The following GRM4 variants were observed in gnomAD, a reference collection of about 807,000 sequenced individuals.
GRM4 encodes metabotropic glutamate receptor 4.
A neutral mutation model predicts 81.7 loss-of-function variants in GRM4; 28 were observed. That is an observed-to-expected ratio of 0.34 (90% CI 0.25 to 0.47). The LOEUF (loss-of-function observed/expected upper bound fraction) is 0.47. Among genes scored for constraint, GRM4 ranks in the 20% least tolerant of loss-of-function variants. The pLI is 1.00. For synonymous variants in GRM4, 488 were observed against 528.8 expected, an observed-to-expected ratio of 0.92 and a Z score of 1.06; for missense variants, 948 against 1,290.0, an observed-to-expected ratio of 0.73 and a Z score of 4.06.
chr6:34,149,327 T>C (rs1715939049), upstream of GRM4, among the ~76,000 whole-genome samples: 4 of 152,312 alleles, frequency 2.6e-5, no homozygotes, highest in African/African-American at 7.2e-5. Flanking sequence ...CTGTGTCTGA[T>C]GGGTTTCAAT....
intron 3 of GRM4, among the ~76,000 whole-genome samples, chr6:34,087,656 G>C (rs1767970125): frequency 6.6e-6 from 1 of 151,096 alleles, no homozygotes; most frequent in African/African-American, 2.4e-5. Flanking sequence ...AGAAGTCCTG[G>C]CTGCAACCAG....
At chr6:34,110,688 GTGTC>G (rs2127499037) in intron 2 of GRM4, 1 of 1,513,540 alleles carries the variant, frequency 6.6e-7, no homozygotes, top group South Asian at 1.2e-5. Flanking sequence ...CCAGGAGCGT[GTGTC>G]TGCCTCAGCC....
intron 2 of GRM4, among the ~76,000 whole-genome samples, chr6:34,093,166 T>C (rs1046593865): frequency 6.6e-6 from 1 of 152,232 alleles, no homozygotes; most frequent in Non-Finnish European, 1.5e-5. Context: ...CCAAGAAACC[T>C]GTGGCCAGAC....
At chr6:34,043,239 C>T (rs1203678585) in intron 6 of GRM4, among the ~76,000 whole-genome samples, 1 of 152,176 alleles carries the variant, frequency 6.6e-6, no homozygotes, top group East Asian at 1.9e-4. Flanking sequence ...GGCCAAGGCA[C>T]AAACAGACAG....
At chr6:34,126,740 G>T (rs373338505) in intron 2 of GRM4, among the ~76,000 whole-genome samples, 1 of 152,228 alleles carries the variant, frequency 6.6e-6, no homozygotes, top group Non-Finnish European at 1.5e-5. Flanking sequence ...AGACATGGGG[G>T]CTGCAGAGGT....
At chr6:34,119,202 C>A (rs1315105601) in intron 2 of GRM4, among the ~76,000 whole-genome samples, 7 of 152,128 alleles carry the variant, frequency 4.6e-5, no homozygotes, top group Non-Finnish European at 1.5e-5. Context: ...TCAAGACCAA[C>A]CTGGTCAACA....
rs149782809 is a variant in GRM4, at chr6:34,060,976, T to G, written c.872+917A>C. 4.6e-5 allele frequency: 7 copies of G among 152,410 alleles called. No homozygotes were observed. In the East Asian group the frequency reaches 1.3e-3, roughly 29 times the overall value. The allele number at this position is 152,410 out of a possible 1,614,324, so 9.4% of individuals were successfully genotyped here. On this transcript the variant is annotated intron_variant, in intron 4 of 10. Transcript: ENST00000538487. Reference sequence around the variant, plus strand: ...ACCAATGGCCTGGGAGGGTATCTGTTTTGCAGCAACTCTGGAGTCCAGGTT... The same window carrying G: ...ACCAATGGCCTGGGAGGGTATCTGTGTTGCAGCAACTCTGGAGTCCAGGTT...
In GRM4 at chr6:34,032,522, G is replaced by A. The variant is rs368089482; in HGVS notation, c.2442+3146C>T. Among the ~76,000 whole-genome samples, 5 of 152,292 alleles carry A rather than the reference G, an allele frequency of 3.3e-5. No individual in the cohort carries two copies. The East Asian group carries it at 5.8e-4, about 18-fold the overall frequency. On this transcript the variant is annotated intron_variant, in intron 9 of 10. Coordinates refer to ENST00000538487, the MANE Select transcript of GRM4 (RefSeq NM_000841.4). The stretch of plus-strand genomic sequence containing the variant: ...AACTTCAGAACACATGTCCTCCACC[G>A]CCTCCCGTTCAGAGGCCCAGAGTGG...
At chr6:34,094,633 G>C (rs533103489) in intron 2 of GRM4, among the ~76,000 whole-genome samples, 54 of 152,266 alleles carry the variant, frequency 3.5e-4, no homozygotes, top group Middle Eastern at 3.4e-3. Context: ...TTCTTTGCTG[G>C]GGGGAGGTCC....
Position 34,043,684 on chromosome 6 carries a change from G to A in GRM4, c.1169-2936C>T, listed in dbSNP as rs529927743. Among the ~76,000 whole-genome samples the A allele has an allele frequency of 7.9e-5, 12 of 152,242 alleles. No homozygotes were observed. The South Asian group carries it at 1.9e-3, about 24-fold the overall frequency. Reference sequence around the variant, plus strand: ...CCTCAGCCTCTCCTCAGAGGCTCCCGCTGAAGCATCCACTCCTGGGCCACT... The same window carrying A: ...CCTCAGCCTCTCCTCAGAGGCTCCCACTGAAGCATCCACTCCTGGGCCACT... On this transcript the variant is annotated intron_variant, in intron 6 of 10. Transcript: ENST00000538487.
intron 3 of GRM4, among the ~76,000 whole-genome samples, chr6:34,086,656 A>G (rs1302047763): frequency 6.6e-6 from 1 of 152,208 alleles, no homozygotes; most frequent in African/African-American, 2.4e-5. Context: ...CATGCACCAC[A>G]GAGGGTAAGT....
At chr6:34,095,980 C>T (rs75036128) in intron 2 of GRM4, among the ~76,000 whole-genome samples, 2,366 of 152,286 alleles carry the variant, frequency 0.016, 43 homozygotes, top group African/African-American at 0.045. Context: ...AGGAGGGGGA[C>T]GTGCAATTTA....
At chr6:34,029,195 AC>A (rs1258725542) in intron 9 of GRM4, among the ~76,000 whole-genome samples, 1 of 151,900 alleles carries the variant, frequency 6.6e-6, no homozygotes, top group Non-Finnish European at 1.5e-5. Flanking sequence ...ACCAAAGGAG[AC>A]CCAGGCTAGG....
At chr6:34,065,865 C>T (rs956746668) in intron 3 of GRM4, among the ~76,000 whole-genome samples, 2 of 152,326 alleles carry the variant, frequency 1.3e-5, no homozygotes, top group Non-Finnish European at 2.9e-5. Flanking sequence ...AGGAGCAGAG[C>T]CACCTTCAGA....
At chr6:34,107,454 G>A (rs1042289221) in intron 2 of GRM4, among the ~76,000 whole-genome samples, 141 of 151,974 alleles carry the variant, frequency 9.3e-4, no homozygotes, top group African/African-American at 3.2e-3. Context: ...CAGAAGGAGA[G>A]CTGGCCTCTC....
At chr6:34,145,067 C>A (rs1480805311) in intron 1 of GRM4, among the ~76,000 whole-genome samples, 2 of 152,088 alleles carry the variant, frequency 1.3e-5, no homozygotes, top group Non-Finnish European at 2.9e-5. Flanking sequence ...CTCTGTCGGT[C>A]CCCCTCGGGC....
intron 2 of GRM4, chr6:34,102,085 A>T (rs1768871527): frequency 1.5e-5 from 23 of 1,535,464 alleles, no homozygotes; most frequent in Non-Finnish European, 1.7e-5. Context: ...TCTTGGCGCC[A>T]TCATGGGGAA....
chr6:34,081,918 C>T (rs1581669580), intron 3 of GRM4, among the ~76,000 whole-genome samples: 1 of 152,202 alleles, frequency 6.6e-6, no homozygotes, highest in African/African-American at 2.4e-5. Flanking sequence ...CAGGTGAAGA[C>T]GCTTTCCTGA....
Position 34,068,379 on chromosome 6 carries a change from C to T in GRM4, c.737-6351G>A, listed in dbSNP as rs73410895. On this transcript the variant is annotated intron_variant, in intron 3 of 10. Coordinates refer to ENST00000538487, the MANE Select transcript of GRM4 (RefSeq NM_000841.4). The surrounding 1 kb of genome is among the most constrained non-coding windows in gnomAD (Gnocchi z 4.2). ...CGGGACGTGCTGCTAAATGAATTCA[C>T]ATTTCTGTCCTGCACGACCTGGGGT... Among the ~76,000 whole-genome samples the T allele has an allele frequency of 0.23, 35,390 of 152,034 alleles. 5,456 individuals carry two copies. Among genetic ancestry groups the T allele is most frequent in the East Asian group, 0.49 (2,503 of 5,152 alleles).
Sources: gnomAD v4.1 joint callset for allele counts (sites outside exome capture counted in the v4.1 genomes callset) on GRCh38, gnomAD v4.1.1 for gene constraint, Gnocchi (gnomAD v3.1) non-coding constraint, MANE v1.5 for transcripts, NCBI Gene and HGNC (gene_info 2026-07-23, HGNC 2026-07-21) for gene names.